The following PUS7 variants were observed in gnomAD, a reference collection of about 807,000 sequenced individuals.
The protein encoded by PUS7 is pseudouridine synthase 7.
Under a neutral mutation model 79.8 loss-of-function variants are expected in PUS7, and 48 were observed. That is an observed-to-expected ratio of 0.60 (90% CI 0.48 to 0.76). PUS7 has a LOEUF of 0.76. Among genes scored for constraint, PUS7 ranks in the 30% least tolerant of loss-of-function variants. PUS7 has a pLI of 0.00. For synonymous variants in PUS7, 286 were observed against 272.2 expected, an observed-to-expected ratio of 1.05 and a Z score of -0.50; for missense variants, 729 against 797.6, an observed-to-expected ratio of 0.91 and a Z score of 1.04.
chr7:105,470,666 T>A (rs761572464), intron 11 of PUS7, 22 bp downstream of exon 11: 2 of 1,543,870 alleles, frequency 1.3e-6, no homozygotes, highest in Non-Finnish European at 1.8e-6. Flanking sequence ...AGCCATTGCC[T>A]GACTTCACAA....
intron 5 of PUS7, chr7:105,497,023 A>T (rs1295179752): frequency 8.6e-7 from 1 of 1,156,432 alleles, no homozygotes; most frequent in Non-Finnish European, 1.1e-6. Flanking sequence ...TTAATTTATA[A>T]TATTAAAGTG....
At chr7:105,507,826 G>A (rs574016573) in intron 2 of PUS7, among the ~76,000 whole-genome samples, 47 of 152,362 alleles carry the variant, frequency 3.1e-4, no homozygotes, top group African/African-American at 1.0e-3. Context: ...ACAGGCGTAA[G>A]CCACTGTGCC....
At chr7:105,482,225 C>T (rs1586125894) in intron 8 of PUS7, 87 bp downstream of exon 8, 3 of 1,471,616 alleles carry the variant, frequency 2.0e-6, no homozygotes, top group Admixed American at 1.9e-5. Flanking sequence ...TACCAGCTCA[C>T]CAGGACCTTA....
At chr7:105,462,442 A>C in intron 14 of PUS7, 179 bp downstream of exon 14, 9 of 557,308 alleles carry the variant, frequency 1.6e-5, no homozygotes, top group Middle Eastern at 4.8e-4. Context: ...AAAAAAAACC[A>C]AAAAAAAAAC....
chr7:105,501,113 T>TG (rs1825228844), intron 5 of PUS7, among the ~76,000 whole-genome samples: 2 of 152,214 alleles, frequency 1.3e-5, no homozygotes, highest in Non-Finnish European at 1.5e-5. Context: ...GCTTTCCTCC[T>TG]GTTCTCTTTT....
chr7:105,511,262 T>C (rs556120878), intron 1 of PUS7, among the ~76,000 whole-genome samples: 82 of 150,812 alleles, frequency 5.4e-4, no homozygotes, highest in African/African-American at 1.7e-3. Context: ...CTCAAACTCC[T>C]GACCTCATGA....
intron 5 of PUS7, among the ~76,000 whole-genome samples, chr7:105,500,743 C>T (rs142986379): frequency 7.9e-5 from 12 of 152,290 alleles, no homozygotes; most frequent in African/African-American, 2.9e-4. Context: ...ACAGTAGTTA[C>T]TAGCTACACA....
intron 9 of PUS7, among the ~76,000 whole-genome samples, chr7:105,474,381 A>G (rs1217387763): frequency 6.6e-6 from 1 of 152,178 alleles, no homozygotes; most frequent in South Asian, 2.1e-4. Flanking sequence ...TTACTTGGAT[A>G]ATCTTTTAGC....
chr7:105,492,500 A>ATTTT (rs1159017117), intron 6 of PUS7, among the ~76,000 whole-genome samples: 5 of 87,324 alleles, frequency 5.7e-5, no homozygotes, highest in African/African-American at 1.0e-4. Flanking sequence ...GATTTTTTGT[A>ATTTT]TTTTTTTTTT....
Position 105,459,205 on chromosome 7 carries a change from G to A in PUS7, c.1812C>T (p.Asp604=). 6.2e-7 allele frequency: 1 copy of A among 1,611,692 alleles called. No homozygotes were observed. Among genetic ancestry groups the A allele is most frequent in the South Asian group, 1.1e-5 (1 of 90,718 alleles). The change falls in exon 15 of 16, where the codon GAC becomes GAT. Residue 604 remains aspartate, a synonymous_variant. Transcript: ENST00000469408. The part of the protein sequence containing the change: ...PKIPLFNTDV[D]NLEGKTPPVF... The stretch of plus-strand genomic sequence containing the variant: ...CTGGTGGTGTCTTCCCTTCTAGGTT[G>A]TCCACATCTGTGTTGAAAAGTGGAA...
chr7:105,503,962 G>T (rs879627366), intron 4 of PUS7, among the ~76,000 whole-genome samples: 5 of 151,666 alleles, frequency 3.3e-5, no homozygotes, highest in Non-Finnish European at 5.9e-5. Flanking sequence ...TAAAAATGCT[G>T]GTTGAGATCC....
chr7:105,509,059 C>A (rs1480497234), intron 1 of PUS7, among the ~76,000 whole-genome samples: 5 of 149,242 alleles, frequency 3.4e-5, no homozygotes, highest in Non-Finnish European at 7.4e-5. Flanking sequence ...TGGTAGGCGC[C>A]TGTAATCCCA....
intron 14 of PUS7, among the ~76,000 whole-genome samples, chr7:105,459,700 A>C (rs954771092): frequency 1.3e-5 from 2 of 152,172 alleles, no homozygotes; most frequent in South Asian, 2.1e-4. Flanking sequence ...AGTCTCCCCA[A>C]CTGCTGGGAT....
At chr7:105,475,895 T>C (rs1406805182) in intron 9 of PUS7, among the ~76,000 whole-genome samples, 1 of 152,124 alleles carries the variant, frequency 6.6e-6, no homozygotes, top group African/African-American at 2.4e-5. Flanking sequence ...ACTTTCTGTC[T>C]ATGGCTTTGA....
In PUS7 at chr7:105,470,811, C is replaced by G; in HGVS notation, c.1275G>C (p.Trp425Cys). The G allele has an allele frequency of 6.2e-7, 1 of 1,608,280 alleles. No individual in the cohort carries two copies. Among genetic ancestry groups the G allele is most frequent in the Non-Finnish European group, 8.5e-7 (1 of 1,175,624 alleles). The change falls in exon 11 of 16, where the codon TGG becomes TGC. Residue 425 changes from tryptophan (W) to cysteine (C), a missense_variant. Transcript: ENST00000469408. ...KGYLVKCREE[W>C]AKTKDPTAAL... ...CAGCAGTTGGGTCTTTGGTCTTTGC[C>G]CATTCTTCTCTGCATTTAACCAAGT... is the stretch of plus-strand genomic sequence containing the variant.
intron 5 of PUS7, among the ~76,000 whole-genome samples, chr7:105,497,813 A>C (rs1825096219): frequency 6.6e-6 from 1 of 152,216 alleles, no homozygotes; most frequent in Admixed American, 6.5e-5. Context: ...AAATCAATAA[A>C]ACAACAGAAT....
At chr7:105,468,571 G>T in intron 11 of PUS7, 108 bp from the exon 12 acceptor site, 1 of 978,318 alleles carries the variant, frequency 1.0e-6, no homozygotes, top group Non-Finnish European at 1.5e-6. Flanking sequence ...AGGCTGGAGT[G>T]CAGTGGCACG....
At position 105,458,403 on chromosome 7, in the gene PUS7, G is replaced by A. The variant is rs868838464; in HGVS notation, c.1850-477C>T. Among the ~76,000 whole-genome samples the A allele has an allele frequency of 5.3e-5, 8 of 151,486 alleles. No homozygotes were observed. The South Asian group carries it at 1.5e-3, about 28-fold the overall frequency. ...AGCCTCCTGAGTAGCTGGGATTACA[G>A]GTGCCCACCACCACGCCCGCCTAAT... is the stretch of plus-strand genomic sequence containing the variant. On this transcript the variant is annotated intron_variant, in intron 15 of 15. Transcript: ENST00000469408.
At chr7:105,510,648 G>A (rs1288445112) in intron 1 of PUS7, among the ~76,000 whole-genome samples, 1 of 151,964 alleles carries the variant, frequency 6.6e-6, no homozygotes, top group South Asian at 2.1e-4. Context: ...CGGGTGGCTG[G>A]GATCACAGGC....
Sources: gnomAD v4.1 joint callset for allele counts (sites outside exome capture counted in the v4.1 genomes callset) on GRCh38, gnomAD v4.1.1 for gene constraint, MANE v1.5 for transcripts, NCBI Gene and HGNC (gene_info 2026-07-23, HGNC 2026-07-21) for gene names.